The following KDM4C variants were observed in gnomAD, a reference collection of about 807,000 sequenced individuals.
The protein encoded by KDM4C is lysine demethylase 4C.
Under a neutral mutation model 129.3 loss-of-function variants are expected in KDM4C, and 81 were observed. The observed-to-expected ratio is 0.63, with a 90% CI of 0.52 to 0.75. KDM4C has a LOEUF of 0.75. KDM4C is among the 30% of genes least tolerant of loss of function. KDM4C has a pLI of 0.00. For synonymous variants in KDM4C, 573 were observed against 456.1 expected (o/e 1.26, Z -3.26); for missense variants, 1,457 against 1,304.0 (o/e 1.12, Z -1.81).
chr9:6,948,932 T>C (rs1231398633), intron 8 of KDM4C, among the ~76,000 whole-genome samples: 1 of 152,078 alleles, frequency 6.6e-6, no homozygotes, highest in East Asian at 1.9e-4. Context: ...TTTCCCCACA[T>C]TTCCCCCTTC....
intron 5 of KDM4C, among the ~76,000 whole-genome samples, chr9:6,854,685 T>C (rs975233955): frequency 6.6e-6 from 1 of 152,226 alleles, no homozygotes; most frequent in African/African-American, 2.4e-5. Flanking sequence ...GAATGGGTTG[T>C]AGCATTTTGG....
At chr9:7,074,061 C>A (rs1764591102) in intron 17 of KDM4C, among the ~76,000 whole-genome samples, 1 of 152,140 alleles carries the variant, frequency 6.6e-6, no homozygotes, top group Admixed American at 6.5e-5. Context: ...AACTAATCTT[C>A]CCTTCAAATA....
chr9:6,753,935 C>T (rs996062668), upstream of KDM4C, among the ~76,000 whole-genome samples: 3 of 127,556 alleles, frequency 2.4e-5, no homozygotes, highest in African/African-American at 9.2e-5. Context: ...AGTGCAGTGG[C>T]ACGACCTCGA....
intron 4 of KDM4C, among the ~76,000 whole-genome samples, chr9:6,847,314 G>T (rs62535661): frequency 6.6e-6 from 1 of 152,006 alleles, no homozygotes; most frequent in Admixed American, 6.5e-5. Context: ...AGATTGCATC[G>T]CTATAAATAG....
chr9:6,959,211 C>T (rs1192246206), intron 8 of KDM4C, among the ~76,000 whole-genome samples: 1 of 152,194 alleles, frequency 6.6e-6, no homozygotes, highest in Non-Finnish European at 1.5e-5. Flanking sequence ...CAGTTTTCTT[C>T]ATGGTTTTAT....
intron 19 of KDM4C, among the ~76,000 whole-genome samples, chr9:7,135,688 G>C (rs890476024): frequency 6.6e-6 from 1 of 152,158 alleles, no homozygotes; most frequent in Non-Finnish European, 1.5e-5. Flanking sequence ...GGATGTTCTG[G>C]AGGCAAAATA....
intron 4 of KDM4C, among the ~76,000 whole-genome samples, chr9:6,830,933 A>G (rs1320447609): frequency 6.6e-6 from 1 of 152,252 alleles, no homozygotes; most frequent in Admixed American, 6.5e-5. Flanking sequence ...ACAGAGTGGT[A>G]TAGAGGAATT....
chr9:7,074,368 T>C (rs915244486), intron 17 of KDM4C, among the ~76,000 whole-genome samples: 1 of 152,166 alleles, frequency 6.6e-6, no homozygotes, highest in African/African-American at 2.4e-5. Context: ...GGTTTCACCA[T>C]GTTGGCCAGG....
At chr9:7,110,279 T>A (rs916354858) in intron 18 of KDM4C, among the ~76,000 whole-genome samples, 3 of 152,240 alleles carry the variant, frequency 2.0e-5, no homozygotes, top group Non-Finnish European at 4.4e-5. Flanking sequence ...AAGGTGCACA[T>A]TACCATGTTT....
intron 19 of KDM4C, among the ~76,000 whole-genome samples, chr9:7,131,276 G>A (rs989414718): frequency 9.9e-5 from 15 of 152,084 alleles, no homozygotes; most frequent in African/African-American, 2.2e-4. Context: ...CAGTGTCACC[G>A]TTGTTAGCTG....
chr9:7,160,660 G>A (rs553970595), intron 19 of KDM4C, among the ~76,000 whole-genome samples: 11 of 152,236 alleles, frequency 7.2e-5, no homozygotes, highest in African/African-American at 2.6e-4. Context: ...CACCATTGGA[G>A]GCAGAACAGC....
intron 8 of KDM4C, among the ~76,000 whole-genome samples, chr9:6,942,976 C>T (rs1277827751): frequency 6.6e-6 from 1 of 152,108 alleles, no homozygotes; most frequent in African/African-American, 2.4e-5. Flanking sequence ...AATGACCCTC[C>T]CACCTTAGCC....
intron 17 of KDM4C, among the ~76,000 whole-genome samples, chr9:7,071,460 A>G (rs536570730): frequency 5.3e-5 from 8 of 152,320 alleles, no homozygotes; most frequent in Admixed American, 3.3e-4. Context: ...ATAGAAAAGA[A>G]TAGAAATTTC....
At chr9:6,857,849 G>T (rs1840149056) in intron 5 of KDM4C, among the ~76,000 whole-genome samples, 1 of 150,894 alleles carries the variant, frequency 6.6e-6, no homozygotes, top group African/African-American at 2.4e-5. Flanking sequence ...CTGCCTCCCG[G>T]GCTCAAGCGA....
rs116396547 is a variant in KDM4C at position 6,764,474 on chromosome 9, A to C, written c.-18+6271A>C. Among the ~76,000 whole-genome samples, 1,080 of 152,280 alleles carry C rather than the reference A, an allele frequency of 7.1e-3. 18 individuals carry two copies. Among genetic ancestry groups the C allele is most frequent in the African/African-American group, 0.024 (1,005 of 41,552 alleles). ...TGGTATATTTTGCATAGTAGTGGATACATTTCTTCAGTAGATTAACTTGTA... is the reference window on the plus strand; with the variant it reads ...TGGTATATTTTGCATAGTAGTGGATCCATTTCTTCAGTAGATTAACTTGTA... On this transcript the variant is annotated intron_variant, in intron 1 of 21. Coordinates refer to ENST00000381309, the MANE Select transcript of KDM4C (RefSeq NM_015061.6).
intron 4 of KDM4C, among the ~76,000 whole-genome samples, chr9:6,821,032 C>A (rs753715286): frequency 6.6e-6 from 1 of 152,030 alleles, no homozygotes; most frequent in Non-Finnish European, 1.5e-5. Flanking sequence ...CATCCATGTC[C>A]CTGCAAAGGA....
At position 6,865,047 on chromosome 9, in the gene KDM4C, T is replaced by C. The variant is rs1236956751; in HGVS notation, c.630-14965T>C. 4.0e-5 allele frequency among the ~76,000 whole-genome samples: 6 copies of C among 149,136 alleles called. No individual in the cohort carries two copies. In the East Asian group the frequency reaches 5.8e-4, roughly 14 times the overall value. On this transcript the variant is annotated intron_variant, in intron 5 of 21. Coordinates refer to ENST00000381309, the MANE Select transcript of KDM4C (RefSeq NM_015061.6). ...TTTGTGAGATAGAGTCTTGCTCTAT[T>C]GCCCAAGCTGGAGTGCAGTGACGCG... is the stretch of plus-strand genomic sequence containing the variant.
rs551713001 is a variant in KDM4C, at chr9:7,063,170, T to C, written c.2424+13970T>C. Among the ~76,000 whole-genome samples the C allele has an allele frequency of 3.3e-5, 5 of 152,350 alleles. No homozygotes were observed. In the South Asian group the frequency reaches 8.3e-4, roughly 25 times the overall value. On this transcript the variant is annotated intron_variant, in intron 17 of 21. Transcript: ENST00000381309. ...AACCATGAGATTTTGGTACCGTATG[T>C]AAGAGATAGTTTTGGGGACCAAAGT...
chr9:6,794,274 AT>A, intron 2 of KDM4C, among the ~76,000 whole-genome samples: 1 of 152,352 alleles, frequency 6.6e-6, no homozygotes, highest in East Asian at 1.9e-4. Context: ...AAATAAGGAC[AT>A]TTAAGCACAG....
Sources: allele counts gnomAD v4.1 joint callset (sites outside exome capture counted in the v4.1 genomes callset), GRCh38; gene constraint gnomAD v4.1.1; transcripts MANE v1.5; gene names NCBI Gene and HGNC (gene_info 2026-07-23, HGNC 2026-07-21).